MAN1A1: variants seen among roughly 807,000 people sequenced by gnomAD.
MAN1A1 encodes the protein mannosyl-oligosaccharide 1,2-alpha-mannosidase IA.
MAN1A1 carries 29 observed loss-of-function variants against 70.8 expected under a neutral mutation model. The ratio of observed to expected loss-of-function variants is 0.41; its 90% CI spans 0.31 to 0.56. MAN1A1 has a LOEUF of 0.56. Among genes scored for constraint, MAN1A1 ranks in the 20% least tolerant of loss-of-function variants. The probability of loss-of-function intolerance (pLI) is 0.29; values close to 1 mark genes in which losing one functional copy is unlikely to be tolerated. For synonymous variants in MAN1A1, 349 were observed against 330.1 expected (o/e 1.06, Z -0.62); for missense variants, 747 against 841.3 (o/e 0.89, Z 1.39).
intron 2 of MAN1A1, among the ~76,000 whole-genome samples, chr6:119,318,266 C>T (rs575250854): frequency 9.2e-5 from 14 of 152,272 alleles, no homozygotes; most frequent in African/African-American, 3.1e-4. Flanking sequence ...AGCATTTCTC[C>T]GCTCATCCCT....
chr6:119,197,619 C>T (rs1236808612), intron 8 of MAN1A1, among the ~76,000 whole-genome samples: 3 of 152,056 alleles, frequency 2.0e-5, no homozygotes, highest in Non-Finnish European at 4.4e-5. Flanking sequence ...GAAGAAATGG[C>T]AATTGAGCTG....
intron 5 of MAN1A1, 80 bp from the exon 6 acceptor site, chr6:119,248,434 C>T (rs982549425): frequency 2.8e-6 from 2 of 725,106 alleles, no homozygotes; most frequent in Non-Finnish European, 4.8e-6. Flanking sequence ...ATAGTTACCA[C>T]TTTTCTACTT....
Position 119,189,835 on chromosome 6 carries a change from T to C in MAN1A1, c.1375A>G (p.Ile459Val). 5.6e-6 allele frequency: 9 copies of C among 1,614,150 alleles called. No individual in the cohort carries two copies. The highest frequency in any genetic ancestry group is 1.1e-5 in the South Asian group (1 of 91,082). ...IRKSSSGLTY[I>V]AEWKGGLLEH... Reference sequence around the variant, plus strand: ...AGGAGGCCCCCTTTCCACTCTGCGATATAAGTTAGTCCGCTGCTAGACTTG... The same window carrying C: ...AGGAGGCCCCCTTTCCACTCTGCGACATAAGTTAGTCCGCTGCTAGACTTG... Residue 459 changes from isoleucine to valine, a missense_variant, in exon 10 of 13, where the codon ATC (isoleucine) becomes GTC (valine). Coordinates refer to ENST00000368468, the MANE Select transcript of MAN1A1 (RefSeq NM_005907.4).
At position 119,316,282 on chromosome 6, in the gene MAN1A1, A is replaced by G. The variant is rs144312246; in HGVS notation, c.604-9290T>C. On this transcript the variant is annotated intron_variant, in intron 2 of 12. Transcript: ENST00000368468. ...AATCTCCACCTCCCGCGTTCAAGCG[A>G]TTGTCCTGCCTCAGCCTCCTGAGCA... Among the ~76,000 whole-genome samples, 879 of 147,994 alleles carry G rather than the reference A, an allele frequency of 5.9e-3. 30 individuals carry two copies. In the East Asian group the frequency reaches 0.092, roughly 15 times the overall value.
chr6:119,320,358 C>T (rs774272080), intron 2 of MAN1A1, among the ~76,000 whole-genome samples: 8 of 152,136 alleles, frequency 5.3e-5, no homozygotes, highest in Non-Finnish European at 1.2e-4. Flanking sequence ...AGGCATTTAG[C>T]ATTTAAGTAG....
At chr6:119,343,145 A>G (rs976349248) in intron 2 of MAN1A1, among the ~76,000 whole-genome samples, 3 of 152,180 alleles carry the variant, frequency 2.0e-5, no homozygotes, top group South Asian at 2.1e-4. Context: ...TGAAAAAAAA[A>G]AAAAGAAAAA....
At chr6:119,212,340 G>T (rs1160390034) in intron 6 of MAN1A1, among the ~76,000 whole-genome samples, 1 of 152,118 alleles carries the variant, frequency 6.6e-6, no homozygotes, top group Non-Finnish European at 1.5e-5. Context: ...TATACCAAAA[G>T]TAATGGTAGT....
At chr6:119,292,175 T>C (rs1772048382) in intron 4 of MAN1A1, among the ~76,000 whole-genome samples, 1 of 152,042 alleles carries the variant, frequency 6.6e-6, no homozygotes, top group Non-Finnish European at 1.5e-5. Flanking sequence ...GATTAGTAAA[T>C]AGATCTGTCT....
At chr6:119,310,712 T>A (rs1432814557) in intron 2 of MAN1A1, among the ~76,000 whole-genome samples, 2 of 151,932 alleles carry the variant, frequency 1.3e-5, no homozygotes, top group African/African-American at 4.8e-5. Flanking sequence ...TGTGAAGCAG[T>A]AAAAGCCATG....
In MAN1A1 at chr6:119,214,277, T is replaced by A. The variant is rs139383972; in HGVS notation, c.993-9395A>T. ...CTGTGCCCAGCCCTAAAAACCTTTA[T>A]AAAGTAAGAATAATCAAAATGGGGC... On this transcript the variant is annotated intron_variant, in intron 6 of 12. Transcript: ENST00000368468. 4.9e-3 allele frequency among the ~76,000 whole-genome samples: 741 copies of A among 152,216 alleles called. 4 individuals are homozygous for A. Among genetic ancestry groups the A allele is most frequent in the African/African-American group, 0.017 (701 of 41,540 alleles).
chr6:119,343,137 A>G (rs964845375), intron 2 of MAN1A1, among the ~76,000 whole-genome samples: 1 of 142,390 alleles, frequency 7.0e-6, no homozygotes, highest in Non-Finnish European at 1.5e-5. Flanking sequence ...TCGTTGGCTG[A>G]AAAAAAAAAA....
chr6:119,326,350 C>T (rs558360142), intron 2 of MAN1A1, among the ~76,000 whole-genome samples: 1 of 152,306 alleles, frequency 6.6e-6, no homozygotes, highest in East Asian at 1.9e-4. Flanking sequence ...TCTCTGGGCA[C>T]GAGCACCTGT....
At chr6:119,303,696 C>T (rs1314693590) in intron 3 of MAN1A1, among the ~76,000 whole-genome samples, 3 of 152,108 alleles carry the variant, frequency 2.0e-5, no homozygotes, top group African/African-American at 7.2e-5. Flanking sequence ...CAGAGACTAC[C>T]TCAAGGCAGT....
chr6:119,273,170 T>G (rs1775971098), intron 5 of MAN1A1, among the ~76,000 whole-genome samples: 1 of 152,190 alleles, frequency 6.6e-6, no homozygotes, highest in African/African-American at 2.4e-5. Flanking sequence ...ATGATTGTTT[T>G]CCAAATCTGT....
chr6:119,211,356 A>G (rs1562194172), intron 6 of MAN1A1, among the ~76,000 whole-genome samples: 1 of 152,212 alleles, frequency 6.6e-6, no homozygotes, highest in African/African-American at 2.4e-5. Flanking sequence ...CAGTGTGGCC[A>G]GTATTACTTG....
At chr6:119,231,740 G>A (rs934844538) in intron 6 of MAN1A1, among the ~76,000 whole-genome samples, 3 of 152,108 alleles carry the variant, frequency 2.0e-5, no homozygotes, top group Admixed American at 1.3e-4. Flanking sequence ...ATAGTTTCAC[G>A]TTTGATCACA....
In MAN1A1 at chr6:119,312,311, C is replaced by A. The variant is rs183541661; in HGVS notation, c.604-5319G>T. ...TCAAACTTTGCTTAAAATTACTTGGCTGTCATATAAAAGTAACTTCTAGAG... is the reference window on the plus strand; with the variant it reads ...TCAAACTTTGCTTAAAATTACTTGGATGTCATATAAAAGTAACTTCTAGAG... On this transcript the variant is annotated intron_variant, in intron 2 of 12. Transcript: ENST00000368468. Among the ~76,000 whole-genome samples the A allele has an allele frequency of 3.6e-3, 546 of 152,250 alleles. 5 individuals are homozygous for A. The highest frequency in any genetic ancestry group is 0.012 in the African/African-American group (518 of 41,554).
intron 5 of MAN1A1, among the ~76,000 whole-genome samples, chr6:119,253,656 T>C (rs1775385732): frequency 6.6e-6 from 1 of 152,194 alleles, no homozygotes; most frequent in Non-Finnish European, 1.5e-5. Flanking sequence ...CAAAAATGTG[T>C]TGATTGTAAT....
At chr6:119,273,493 C>T (rs578201995) in intron 5 of MAN1A1, among the ~76,000 whole-genome samples, 49 of 152,232 alleles carry the variant, frequency 3.2e-4, no homozygotes, top group African/African-American at 1.2e-3. Context: ...CCATGATCTG[C>T]TGCACTCCCT....
Sources: allele counts gnomAD v4.1 joint callset (sites outside exome capture counted in the v4.1 genomes callset), GRCh38; gene constraint gnomAD v4.1.1; transcripts MANE v1.5; gene names NCBI Gene and HGNC (gene_info 2026-07-23, HGNC 2026-07-21).